RNF13: variants seen among roughly 807,000 people sequenced by gnomAD.
The protein encoded by RNF13 is E3 ubiquitin-protein ligase RNF13.
Under a neutral mutation model 37.7 loss-of-function variants are expected in RNF13, and 19 were observed. The observed-to-expected ratio is 0.50, with a 90% CI of 0.35 to 0.74. The LOEUF (loss-of-function observed/expected upper bound fraction) is 0.74. RNF13 is among the 30% of genes least tolerant of loss of function. The pLI, the probability that RNF13 is intolerant of heterozygous loss-of-function variation, is 0.01. For missense variants in RNF13, 375 were observed against 453.0 expected, an observed-to-expected ratio of 0.83 and a Z score of 1.56; for synonymous variants, 144 against 157.8, an observed-to-expected ratio of 0.91 and a Z score of 0.65.
intron 3 of RNF13, among the ~76,000 whole-genome samples, chr3:149,867,386 C>T (rs1301136969): frequency 1.3e-5 from 2 of 151,808 alleles, no homozygotes; most frequent in African/African-American, 4.8e-5. Flanking sequence ...CTGCCTCAGC[C>T]TCCCTAGTAG....
intron 1 of RNF13, among the ~76,000 whole-genome samples, chr3:149,820,219 T>G (rs1719885934): frequency 6.6e-6 from 1 of 152,038 alleles, no homozygotes; most frequent in Non-Finnish European, 1.5e-5. Flanking sequence ...TTTCTTTCTT[T>G]TTTTTTTGTT....
At chr3:149,826,216 T>G (rs907959890) in intron 1 of RNF13, among the ~76,000 whole-genome samples, 5 of 152,190 alleles carry the variant, frequency 3.3e-5, no homozygotes, top group Non-Finnish European at 7.3e-5. Flanking sequence ...CACAATTAAT[T>G]AAGCTATCAC....
intron 4 of RNF13, among the ~76,000 whole-genome samples, chr3:149,877,097 A>G (rs1712807411): frequency 6.6e-6 from 1 of 152,102 alleles, no homozygotes; most frequent in Admixed American, 6.6e-5. Context: ...TTTATATACT[A>G]TTTAATCCCA....
intron 8 of RNF13, among the ~76,000 whole-genome samples, chr3:149,946,293 AATC>A (rs1176999352): frequency 1.3e-5 from 2 of 152,246 alleles, no homozygotes; most frequent in Non-Finnish European, 2.9e-5. Flanking sequence ...TAGCCAATTC[AATC>A]AACTGGAAGA....
At chr3:149,932,440 T>TA (rs774013481) in intron 8 of RNF13, among the ~76,000 whole-genome samples, 7 of 152,122 alleles carry the variant, frequency 4.6e-5, no homozygotes, top group Non-Finnish European at 7.4e-5. Context: ...TCTAAAGTCT[T>TA]ATCTGAGACT....
At chr3:149,932,665 C>T (rs767956215) in intron 8 of RNF13, among the ~76,000 whole-genome samples, 1 of 152,204 alleles carries the variant, frequency 6.6e-6, no homozygotes, top group Non-Finnish European at 1.5e-5. Flanking sequence ...CTCTGTGTCC[C>T]GCATCCAAGG....
intron 8 of RNF13, among the ~76,000 whole-genome samples, chr3:149,941,931 A>T (rs1446335921): frequency 6.6e-6 from 1 of 151,732 alleles, no homozygotes; most frequent in East Asian, 1.9e-4. Context: ...GCATGTGGAT[A>T]TCCCAGTTTT....
chr3:149,903,334 G>A (rs2108504290), intron 6 of RNF13, among the ~76,000 whole-genome samples: 1 of 151,976 alleles, frequency 6.6e-6, no homozygotes, highest in South Asian at 2.1e-4. Context: ...ATTTTAATAT[G>A]TATTTTAAAG....
intron 8 of RNF13, among the ~76,000 whole-genome samples, chr3:149,936,762 T>C (rs927305857): frequency 4.6e-5 from 7 of 152,140 alleles, no homozygotes; most frequent in African/African-American, 1.7e-4. Context: ...CGTGGTTCCC[T>C]GTTTGATGTT....
chr3:149,860,270 A>AAAAAAAAATAT (rs1302318768), intron 3 of RNF13, among the ~76,000 whole-genome samples: 2 of 104,094 alleles, frequency 1.9e-5, no homozygotes, highest in African/African-American at 8.4e-5. Flanking sequence ...AAAAAAAAAA[A>AAAAAAAAATAT]ATATATATAT....
At chr3:149,833,320 A>G (rs1247589531) in intron 1 of RNF13, among the ~76,000 whole-genome samples, 1 of 152,018 alleles carries the variant, frequency 6.6e-6, no homozygotes, top group East Asian at 1.9e-4. Flanking sequence ...GGGTTTCACC[A>G]TTTTGGCCAG....
At chr3:149,884,866 GT>G (rs59667657) in intron 4 of RNF13, among the ~76,000 whole-genome samples, 4,524 of 144,726 alleles carry the variant, frequency 0.031, 79 homozygotes, top group South Asian at 0.038. Flanking sequence ...TGTGTGTGTG[GT>G]TTTTTTTTTG....
intron 8 of RNF13, among the ~76,000 whole-genome samples, chr3:149,934,023 G>C (rs533680551): frequency 2.0e-5 from 3 of 152,152 alleles, no homozygotes; most frequent in Non-Finnish European, 4.4e-5. Context: ...GCTTTTCTTT[G>C]ATGGGAGACT....
intron 4 of RNF13, among the ~76,000 whole-genome samples, chr3:149,893,464 C>T (rs1426180788): frequency 6.6e-6 from 1 of 152,170 alleles, no homozygotes; most frequent in Non-Finnish European, 1.5e-5. Context: ...CATTTCTCCT[C>T]AGCTCCTTGG....
chr3:149,852,587 A>G lies in RNF13; in HGVS notation c.186A>G (p.Glu62=). ...GATTTGGTTATAGACTTCCAGCTGA[A>G]GGTTTAAAGGTAAGACAGTTGGTAA... ...PARFGYRLPA[E]GLKGFLINSK... Residue 62 remains glutamate (E), a synonymous_variant, in exon 3 of 10, where the codon GAA becomes GAG. Coordinates refer to ENST00000392894, the MANE Select transcript of RNF13 (RefSeq NM_183381.3). 1 of 1,530,758 alleles carries G rather than the reference A, an allele frequency of 6.5e-7. No homozygotes were observed. The highest frequency in any genetic ancestry group is 8.9e-7 in the Non-Finnish European group (1 of 1,120,582). 94.8% of individuals were successfully genotyped at this position (1,530,758 alleles called of 1,614,324 possible).
intron 1 of RNF13, among the ~76,000 whole-genome samples, chr3:149,829,320 G>A (rs1171371697): frequency 6.6e-5 from 10 of 151,966 alleles, no homozygotes; most frequent in Non-Finnish European, 1.3e-4. Flanking sequence ...GGCTGGTCTC[G>A]AACTCCTGAC....
At chr3:149,829,410 G>GT (rs1720827032) in intron 1 of RNF13, among the ~76,000 whole-genome samples, 1 of 152,030 alleles carries the variant, frequency 6.6e-6, no homozygotes, top group East Asian at 1.9e-4. Context: ...AGAAAAACCT[G>GT]TTTTTTCTTA....
intron 4 of RNF13, among the ~76,000 whole-genome samples, chr3:149,873,139 T>C (rs757601447): frequency 2.0e-5 from 3 of 152,236 alleles, no homozygotes; most frequent in Non-Finnish European, 2.9e-5. Context: ...GTTGCTTCAG[T>C]TAAAATTAAA....
chr3:149,877,032 G>A (rs1279568695), intron 4 of RNF13, among the ~76,000 whole-genome samples: 1 of 151,722 alleles, frequency 6.6e-6, no homozygotes, highest in Non-Finnish European at 1.5e-5. Flanking sequence ...CACCCGCCTC[G>A]GCCTCTCAAA....
Sources: allele counts gnomAD v4.1 joint callset (sites outside exome capture counted in the v4.1 genomes callset), GRCh38; gene constraint gnomAD v4.1.1; transcripts MANE v1.5; gene names NCBI Gene and HGNC (gene_info 2026-07-23, HGNC 2026-07-21).